Variants in ZDHHC15 observed in about 807,000 individuals in gnomAD.
ZDHHC15 encodes zDHHC palmitoyltransferase 15.
In ZDHHC15, 19 loss-of-function variants were observed where a neutral mutation model predicts 31.7. The ratio of observed to expected loss-of-function variants is 0.60; its 90% CI spans 0.42 to 0.88. The LOEUF (loss-of-function observed/expected upper bound fraction) is 0.88. Ranked by LOEUF, ZDHHC15 falls within the 40% of genes least tolerant of loss-of-function variation. The pLI is 0.00. For missense variants in ZDHHC15, 209 were observed against 251.2 expected (o/e 0.83, Z 1.14); for synonymous variants, 103 against 90.0 (o/e 1.14, Z -0.82).
At chrX:75,461,515 T>C (rs1025101814) in intron 3 of ZDHHC15, among the ~76,000 whole-genome samples, 3 of 111,120 alleles carry the variant, frequency 2.7e-5, no homozygotes, top group Non-Finnish European at 5.7e-5. Flanking sequence ...AAAGAAAATA[T>C]TCAGGGCAGC....
At chrX:75,405,314 C>G (rs767587697) in intron 10 of ZDHHC15, among the ~76,000 whole-genome samples, 1 of 111,036 alleles carries the variant, frequency 9.0e-6, no homozygotes, top group Non-Finnish European at 1.9e-5. Context: ...ATAATACATA[C>G]AACAAATCCC....
intron 1 of ZDHHC15, among the ~76,000 whole-genome samples, chrX:75,508,125 A>G (rs774987316): frequency 3.5e-4 from 39 of 111,399 alleles, no homozygotes; most frequent in African/African-American, 1.3e-3. Context: ...TTACCAATAT[A>G]TCAAAATATT....
intron 4 of ZDHHC15, among the ~76,000 whole-genome samples, chrX:75,432,841 A>G (rs1052887051): frequency 9.0e-6 from 1 of 110,993 alleles, no homozygotes; most frequent in African/African-American, 3.3e-5. Context: ...TAAATTAGCC[A>G]GGCATGGTGG....
chrX:75,385,107 A>AT (rs764450982), intron 10 of ZDHHC15, among the ~76,000 whole-genome samples: 2 of 111,685 alleles, frequency 1.8e-5, no homozygotes. Flanking sequence ...TGATAAAGTA[A>AT]TTTTTTCTTC....
intron 3 of ZDHHC15, among the ~76,000 whole-genome samples, chrX:75,453,230 T>C (rs1181213663): frequency 1.8e-5 from 2 of 111,222 alleles, no homozygotes; most frequent in Non-Finnish European, 3.8e-5. Flanking sequence ...CCCACAGAAA[T>C]ACAAACTACC....
intron 7 of ZDHHC15, among the ~76,000 whole-genome samples, chrX:75,425,439 T>C (rs1005412313): frequency 8.9e-6 from 1 of 111,980 alleles, no homozygotes; most frequent in Non-Finnish European, 1.9e-5. Flanking sequence ...TGGCTAAAGA[T>C]TTTTATAGTT....
intron 2 of ZDHHC15, among the ~76,000 whole-genome samples, chrX:75,479,825 C>T (rs1039283668): frequency 2.7e-5 from 3 of 111,931 alleles, no homozygotes; most frequent in Non-Finnish European, 5.6e-5. Flanking sequence ...ATCCATCTTG[C>T]TGCAAAAGAC....
chrX:75,466,199 C>T (rs147931050), intron 3 of ZDHHC15, among the ~76,000 whole-genome samples: 1,993 of 112,055 alleles, frequency 0.018, 47 homozygotes, highest in African/African-American at 0.061. Context: ...GTAAAAAAAG[C>T]TCAACATCAC....
chrX:75,448,231 C>A (rs751828312), intron 4 of ZDHHC15, among the ~76,000 whole-genome samples: 5 of 112,299 alleles, frequency 4.5e-5, no homozygotes, highest in Non-Finnish European at 9.4e-5. Flanking sequence ...GGCAGGACTA[C>A]TAATGACCCA....
intron 4 of ZDHHC15, among the ~76,000 whole-genome samples, chrX:75,433,677 GTGTGTGTGTGTGTGTGTGTGTA>G (rs1462293384): frequency 1.4e-3 from 33 of 23,944 alleles, no homozygotes; most frequent in Middle Eastern, 0.044. Context: ...GTGTGTGTGT[GTGTGTGTGTGTGTGTGTGTGTA>G]TATATATATA....
chrX:75,445,611 C>G (rs1192648577), intron 4 of ZDHHC15, among the ~76,000 whole-genome samples: 1 of 111,366 alleles, frequency 9.0e-6, no homozygotes, highest in African/African-American at 3.3e-5. Context: ...TGCATGTAGC[C>G]ACAGGACTGA....
intron 3 of ZDHHC15, among the ~76,000 whole-genome samples, chrX:75,472,727 A>G (rs1392321873): frequency 8.9e-6 from 1 of 112,066 alleles, no homozygotes; most frequent in Non-Finnish European, 1.9e-5. Context: ...CAATGGGCCC[A>G]TGAACAAAGT....
intron 10 of ZDHHC15, among the ~76,000 whole-genome samples, chrX:75,397,592 A>G (rs1166274982): frequency 4.5e-5 from 5 of 111,595 alleles, no homozygotes; most frequent in Non-Finnish European, 7.5e-5. Context: ...GAATAAAGAA[A>G]CAACCTGGGG....
intron 3 of ZDHHC15, among the ~76,000 whole-genome samples, chrX:75,477,697 T>C (rs1224886672): frequency 8.9e-6 from 1 of 112,020 alleles, no homozygotes; most frequent in Non-Finnish European, 1.9e-5. Flanking sequence ...TTGATTACTA[T>C]TTACTAGTGA....
intron 3 of ZDHHC15, among the ~76,000 whole-genome samples, chrX:75,452,766 C>A (rs769455153): frequency 8.9e-6 from 1 of 111,958 alleles, no homozygotes; most frequent in Admixed American, 9.5e-5. Flanking sequence ...GGAAACTGAA[C>A]AACCTGCTCC....
At chrX:75,517,601 G>C (rs1288751843) in intron 1 of ZDHHC15, among the ~76,000 whole-genome samples, 1 of 77,332 alleles carries the variant, frequency 1.3e-5, no homozygotes, top group African/African-American at 4.8e-5. Flanking sequence ...GTGGGGGGAG[G>C]GGGGAGGGAT....
At chrX:75,488,347 G>A (rs187999387) in intron 2 of ZDHHC15, among the ~76,000 whole-genome samples, 1 of 112,073 alleles carries the variant, frequency 8.9e-6, no homozygotes, top group Admixed American at 9.5e-5. Flanking sequence ...CAAGCCAGAA[G>A]GGATTGGGGT....
At chrX:75,515,740 C>T (rs934699371) in intron 1 of ZDHHC15, among the ~76,000 whole-genome samples, 4 of 111,454 alleles carry the variant, frequency 3.6e-5, no homozygotes, top group African/African-American at 1.3e-4. Context: ...CCAGGGCAAT[C>T]AGGCAGGAGA....
At chrX:75,404,878 T>A (rs2147802798) in intron 10 of ZDHHC15, among the ~76,000 whole-genome samples, 1 of 111,774 alleles carries the variant, frequency 8.9e-6, no homozygotes, top group Non-Finnish European at 1.9e-5. Context: ...TGTTACTGGG[T>A]ATATACCCAG....
Sources: gnomAD v4.1 joint callset for allele counts (sites outside exome capture counted in the v4.1 genomes callset) on GRCh38, gnomAD v4.1.1 for gene constraint, MANE v1.5 for transcripts, NCBI Gene and HGNC (gene_info 2026-07-23, HGNC 2026-07-21) for gene names.